The following NBEA variants were observed in gnomAD, a reference collection of about 807,000 sequenced individuals.
The protein encoded by NBEA is neurobeachin.
In NBEA, 44 loss-of-function variants were observed where a neutral mutation model predicts 343.4. The observed-to-expected ratio is 0.13, with a 90% CI of 0.10 to 0.16. NBEA has a LOEUF of 0.16. NBEA is among the 10% of genes least tolerant of loss of function. The pLI is 1.00. For synonymous variants in NBEA, 1,175 were observed against 1,238.7 expected (o/e 0.95, Z 1.08); for missense variants, 2,555 against 3,631.3 (o/e 0.70, Z 7.62).
intron 6 of NBEA, among the ~76,000 whole-genome samples, chr13:35,055,803 T>A (rs558889794): frequency 1.3e-5 from 2 of 152,208 alleles, no homozygotes; most frequent in East Asian, 3.9e-4. Context: ...GGGTTGTAGT[T>A]CTTGTCTTCT....
At chr13:35,414,092 A>G (rs1414361298) in intron 38 of NBEA, among the ~76,000 whole-genome samples, 2 of 152,138 alleles carry the variant, frequency 1.3e-5, no homozygotes, top group Admixed American at 6.6e-5. Context: ...ATGAAAAGAA[A>G]TGCTTTTATA....
At chr13:35,519,631 TA>T (rs1159587522) in intron 41 of NBEA, among the ~76,000 whole-genome samples, 9 of 152,342 alleles carry the variant, frequency 5.9e-5, no homozygotes, top group African/African-American at 2.2e-4. Flanking sequence ...ATAATTCATT[TA>T]TTTTTTTTAA....
intron 39 of NBEA, among the ~76,000 whole-genome samples, chr13:35,433,230 A>G (rs983821667): frequency 3.3e-5 from 5 of 152,050 alleles, no homozygotes; most frequent in African/African-American, 1.2e-4. Flanking sequence ...CTACTTGCCC[A>G]TTTTTAAATG....
chr13:35,211,013 A>G, intron 32 of NBEA, 40 bp from the exon 33 acceptor site: 1 of 1,530,596 alleles, frequency 6.5e-7, no homozygotes. Flanking sequence ...TTTTTAAATA[A>G]ATTTATGTTT....
rs138908901 is a variant in NBEA, at chr13:35,563,076, A to G, written c.6923-3829A>G. Among the ~76,000 whole-genome samples, 14 of 152,046 alleles carry G rather than the reference A, an allele frequency of 9.2e-5. No individual in the cohort carries two copies. The East Asian group carries it at 2.5e-3, about 27-fold the overall frequency. Reference sequence around the variant, plus strand: ...TGCGGTATTTAATATTCATCTTCCAAGATAAATTCTTATAAGCATAGTTAG... The same window carrying G: ...TGCGGTATTTAATATTCATCTTCCAGGATAAATTCTTATAAGCATAGTTAG... On this transcript the variant is annotated intron_variant, in intron 44 of 58. Transcript: ENST00000379939.
intron 41 of NBEA, chr13:35,476,868 C>G: frequency 1.1e-6 from 1 of 925,182 alleles, no homozygotes; most frequent in Non-Finnish European, 1.3e-6. Flanking sequence ...GAAAACCACT[C>G]AGGCCACCTA....
intron 1 of NBEA, among the ~76,000 whole-genome samples, chr13:34,975,778 A>G (rs1303174307): frequency 6.6e-6 from 1 of 152,166 alleles, no homozygotes; most frequent in Non-Finnish European, 1.5e-5. Flanking sequence ...TGAATAGGTA[A>G]TTCTCAAAAG....
chr13:35,391,089 A>C (rs952697829), intron 38 of NBEA, among the ~76,000 whole-genome samples: 2 of 152,114 alleles, frequency 1.3e-5, no homozygotes, highest in African/African-American at 4.8e-5. Context: ...AGCCTGGCCA[A>C]CATGGTGAAA....
At chr13:35,199,649 G>C (rs1300021764) in intron 31 of NBEA, among the ~76,000 whole-genome samples, 1 of 152,018 alleles carries the variant, frequency 6.6e-6, no homozygotes, top group Non-Finnish European at 1.5e-5. Context: ...TAGAACAACT[G>C]GGATAATTTG....
intron 38 of NBEA, among the ~76,000 whole-genome samples, chr13:35,415,934 T>C (rs1218671519): frequency 1.3e-5 from 2 of 152,178 alleles, no homozygotes; most frequent in African/African-American, 2.4e-5. Context: ...TAGTTCTCCT[T>C]GAAGAGATCC....
intron 1 of NBEA, among the ~76,000 whole-genome samples, chr13:34,989,311 C>A (rs1019757734): frequency 1.3e-5 from 2 of 150,950 alleles, no homozygotes; most frequent in African/African-American, 2.4e-5. Context: ...CTATAAGTAA[C>A]TACAAGAGAC....
intron 41 of NBEA, among the ~76,000 whole-genome samples, chr13:35,514,283 G>C (rs1275986723): frequency 6.6e-6 from 1 of 152,102 alleles, no homozygotes; most frequent in East Asian, 1.9e-4. Flanking sequence ...TACAAAACAG[G>C]GTTTTGTTTT....
intron 38 of NBEA, among the ~76,000 whole-genome samples, chr13:35,385,346 A>T (rs1288560457): frequency 6.6e-6 from 1 of 152,120 alleles, no homozygotes; most frequent in African/African-American, 2.4e-5. Context: ...CTGGTTGAAC[A>T]ATATAAATCA....
intron 35 of NBEA, among the ~76,000 whole-genome samples, chr13:35,308,518 ATATG>A (rs2037106000): frequency 8.1e-6 from 1 of 123,566 alleles, no homozygotes; most frequent in African/African-American, 2.9e-5. Flanking sequence ...ATATGTGTAT[ATATG>A]TATATATATG....
At chr13:35,259,442 T>A (rs961345537) in intron 34 of NBEA, among the ~76,000 whole-genome samples, 10 of 152,150 alleles carry the variant, frequency 6.6e-5, no homozygotes, top group Non-Finnish European at 1.3e-4. Flanking sequence ...TGTTATTAGT[T>A]ATCTTGTTTA....
At chr13:35,299,910 T>C (rs770498466) in intron 35 of NBEA, among the ~76,000 whole-genome samples, 5 of 152,226 alleles carry the variant, frequency 3.3e-5, no homozygotes, top group African/African-American at 2.4e-5. Context: ...TCTCTAAGTT[T>C]ATGTATTTGT....
chr13:35,025,285 C>G (rs934867316), intron 1 of NBEA, among the ~76,000 whole-genome samples: 4 of 152,026 alleles, frequency 2.6e-5, no homozygotes, highest in Admixed American at 2.0e-4. Context: ...TTAGATTTTT[C>G]TTCTAGGGCT....
intron 36 of NBEA, among the ~76,000 whole-genome samples, chr13:35,337,356 A>G (rs1484740091): frequency 2.0e-5 from 3 of 152,134 alleles, no homozygotes; most frequent in South Asian, 2.1e-4. Context: ...ACGGATGACT[A>G]TGCTAATATC....
chr13:35,194,437 A>G (rs1305429025), intron 30 of NBEA, among the ~76,000 whole-genome samples: 2 of 152,254 alleles, frequency 1.3e-5, no homozygotes, highest in Non-Finnish European at 2.9e-5. Context: ...ACAAAATCTA[A>G]GAGAAGTTAT....
Sources: allele counts gnomAD v4.1 joint callset (sites outside exome capture counted in the v4.1 genomes callset), GRCh38; gene constraint gnomAD v4.1.1; transcripts MANE v1.5; gene names NCBI Gene and HGNC (gene_info 2026-07-23, HGNC 2026-07-21).